The following CTNNA2 variants were observed in gnomAD, a reference collection of about 807,000 sequenced individuals.
CTNNA2 encodes catenin alpha-2.
Under a neutral mutation model 101.0 loss-of-function variants are expected in CTNNA2, and 42 were observed. The ratio of observed to expected loss-of-function variants is 0.42; its 90% CI spans 0.32 to 0.54. The LOEUF is 0.54. Ranked by LOEUF, CTNNA2 falls within the 20% of genes least tolerant of loss-of-function variation. The probability of loss-of-function intolerance (pLI) is 0.14; values close to 1 mark genes in which losing one functional copy is unlikely to be tolerated. For synonymous variants in CTNNA2, 450 were observed against 456.4 expected (o/e 0.99, Z 0.18); for missense variants, 871 against 1,223.1 (o/e 0.71, Z 4.29).
At chr2:80,061,915 C>T (rs971374832) in intron 7 of CTNNA2, among the ~76,000 whole-genome samples, 2 of 152,124 alleles carry the variant, frequency 1.3e-5, no homozygotes, top group Non-Finnish European at 2.9e-5. Context: ...GGCATGGGGG[C>T]AAACTACTGA....
chr2:79,837,106 C>T (rs1356738554), intron 3 of CTNNA2, among the ~76,000 whole-genome samples: 2 of 152,110 alleles, frequency 1.3e-5, no homozygotes, highest in Non-Finnish European at 2.9e-5. Context: ...TCTAGAGGGA[C>T]AGAACTAATG....
intron 4 of CTNNA2, among the ~76,000 whole-genome samples, chr2:79,490,774 T>C (rs1255993153): frequency 1.3e-5 from 2 of 152,212 alleles, no homozygotes; most frequent in Non-Finnish European, 2.9e-5. Context: ...TTTATTTTTC[T>C]ATTGATCTTG....
intron 7 of CTNNA2, among the ~76,000 whole-genome samples, chr2:80,267,065 G>A (rs772455690): frequency 4.6e-5 from 7 of 152,140 alleles, no homozygotes; most frequent in African/African-American, 4.8e-5. Flanking sequence ...AAACACCTAT[G>A]TCAGGCTCCC....
At chr2:79,536,629 G>A (rs1673086361) in intron 1 of CTNNA2, among the ~76,000 whole-genome samples, 1 of 140,824 alleles carries the variant, frequency 7.1e-6, no homozygotes, top group Non-Finnish European at 1.6e-5. Flanking sequence ...GTACATGCAT[G>A]CATTTGCTTT....
chr2:80,434,307 GTTTTGTT>G, intron 9 of CTNNA2, among the ~76,000 whole-genome samples: 1 of 152,230 alleles, frequency 6.6e-6, no homozygotes, highest in East Asian at 1.9e-4. Flanking sequence ...TGAATGTTCT[GTTTTGTT>G]CAAAAACATG....
At chr2:80,163,008 A>G in intron 7 of CTNNA2, 1 of 1,556,352 alleles carries the variant, frequency 6.4e-7, no homozygotes, top group Non-Finnish European at 8.9e-7. Flanking sequence ...TTGAATTTTG[A>G]TAGGCCTTCC....
At chr2:80,314,111 G>A (rs373692430) in intron 7 of CTNNA2, among the ~76,000 whole-genome samples, 1 of 152,168 alleles carries the variant, frequency 6.6e-6, no homozygotes, top group East Asian at 1.9e-4. Flanking sequence ...CCTGGAATGT[G>A]CTTGGTGGCT....
chr2:80,083,112 C>T (rs1008081514), intron 7 of CTNNA2, among the ~76,000 whole-genome samples: 1 of 152,110 alleles, frequency 6.6e-6, no homozygotes, highest in Non-Finnish European at 1.5e-5. Flanking sequence ...GGAACCTGGA[C>T]ATTCAAGACA....
chr2:79,920,553 A>G (rs1215231925), intron 7 of CTNNA2, among the ~76,000 whole-genome samples: 1 of 152,182 alleles, frequency 6.6e-6, no homozygotes, highest in African/African-American at 2.4e-5. Context: ...CTCTAATAAT[A>G]AAGAAACAAC....
intron 1 of CTNNA2, among the ~76,000 whole-genome samples, chr2:79,543,472 T>C (rs1185667675): frequency 6.6e-6 from 1 of 152,196 alleles, no homozygotes; most frequent in East Asian, 1.9e-4. Context: ...GATAGACAGC[T>C]GTAGCTTGCT....
rs1696460452 is a variant in CTNNA2, at chr2:80,045,564, A to T, written c.1056+135767A>T. Among the ~76,000 whole-genome samples, 2 of 152,204 alleles carry T rather than the reference A, an allele frequency of 1.3e-5. 1 individual carries two copies. Among genetic ancestry groups the T allele is most frequent in the Non-Finnish European group, 2.9e-5 (2 of 68,044 alleles). ...GTGAACCGCAAGTTACCATTAAATCATTATCAGTAATCACTATCTAAATCA... is the reference window on the plus strand; with the variant it reads ...GTGAACCGCAAGTTACCATTAAATCTTTATCAGTAATCACTATCTAAATCA... On this transcript the variant is annotated intron_variant, in intron 7 of 18. Transcript: ENST00000402739.
chr2:79,404,259 G>A (rs1461709320), intron 4 of CTNNA2, among the ~76,000 whole-genome samples: 1 of 151,976 alleles, frequency 6.6e-6, no homozygotes, highest in Admixed American at 6.6e-5. Flanking sequence ...GGCAGGATAT[G>A]AATATGGGGA....
At chr2:80,071,950 C>T (rs780522187) in intron 7 of CTNNA2, among the ~76,000 whole-genome samples, 1 of 152,132 alleles carries the variant, frequency 6.6e-6, no homozygotes, top group African/African-American at 2.4e-5. Context: ...GAGGGAGGCA[C>T]TAAGACTCAG....
At chr2:80,213,693 G>C (rs899563339) in intron 7 of CTNNA2, among the ~76,000 whole-genome samples, 1 of 152,224 alleles carries the variant, frequency 6.6e-6, no homozygotes, top group African/African-American at 2.4e-5. Context: ...ATATTCTGCT[G>C]ATTTGGGGTG....
At chr2:80,169,863 G>C (rs1410652934) in intron 7 of CTNNA2, among the ~76,000 whole-genome samples, 1 of 152,174 alleles carries the variant, frequency 6.6e-6, no homozygotes, top group Admixed American at 6.5e-5. Flanking sequence ...CCACTTGCGT[G>C]ACTTTAGGTG....
At chr2:79,992,932 A>C (rs1692283707) in intron 7 of CTNNA2, among the ~76,000 whole-genome samples, 1 of 152,212 alleles carries the variant, frequency 6.6e-6, no homozygotes, top group African/African-American at 2.4e-5. Context: ...ATCTGGTGAC[A>C]TGTAGAAGTG....
At chr2:80,607,486 C>G (rs558080596) in intron 16 of CTNNA2, among the ~76,000 whole-genome samples, 24 of 151,956 alleles carry the variant, frequency 1.6e-4, no homozygotes, top group African/African-American at 5.8e-4. Context: ...ATCCAAACTC[C>G]TTAGCCAGAG....
rs1467280230 is a variant in CTNNA2, at chr2:79,338,645, A to ATTCTTCTTCTTCTTCTTCTT, written c.-318+25849_-318+25850insTTCTTCTTCTTCTTCTTCTT. Among the ~76,000 whole-genome samples, 362 of 53,844 alleles carry ATTCTTCTTCTTCTTCTTCTT rather than the reference A, an allele frequency of 6.7e-3. 2 individuals carry two copies. Among genetic ancestry groups the ATTCTTCTTCTTCTTCTTCTT allele is most frequent in the Non-Finnish European group, 0.011 (277 of 24,688 alleles). The allele number at this position is 53,844 out of a possible 152,430, so 35.3% of individuals were successfully genotyped here. ...TTCTTCTTCTTCTTCTTCTTCTTCA[A>ATTCTTCTTCTTCTTCTTCTT]AGATTCCTCTGGCTGCTCTGGATTA... On this transcript the variant is annotated intron_variant, in intron 3 of 21. Coordinates refer to the CTNNA2 transcript ENST00000466387.
chr2:80,095,940 T>C (rs1035809895), intron 7 of CTNNA2, among the ~76,000 whole-genome samples: 5 of 152,178 alleles, frequency 3.3e-5, no homozygotes, highest in African/African-American at 7.2e-5. Flanking sequence ...TTTGTTGATC[T>C]TTTCAAAAAA....
Sources: gnomAD v4.1 joint callset for allele counts (sites outside exome capture counted in the v4.1 genomes callset) on GRCh38, gnomAD v4.1.1 for gene constraint, MANE v1.5 for transcripts, NCBI Gene and HGNC (gene_info 2026-07-23, HGNC 2026-07-21) for gene names.